Variants in STK26 observed in about 807,000 individuals in gnomAD.
The protein encoded by STK26 is serine/threonine-protein kinase 26.
STK26 carries 14 observed loss-of-function variants against 34.7 expected under a neutral mutation model. That is an observed-to-expected ratio of 0.40 (90% confidence interval 0.27 to 0.63). The LOEUF is 0.63. Among genes scored for constraint, STK26 ranks in the 30% least tolerant of loss-of-function variants. The pLI, the probability that STK26 is intolerant of heterozygous loss-of-function variation, is 0.38. For synonymous variants in STK26, 100 were observed against 109.8 expected, an observed-to-expected ratio of 0.91 and a Z score of 0.56; for missense variants, 226 against 309.1, an observed-to-expected ratio of 0.73 and a Z score of 2.02.
intron 3 of STK26, chrX:132,055,385 T>G: frequency 1.1e-6 from 1 of 932,987 alleles, no homozygotes; most frequent in Non-Finnish European, 1.5e-6. Flanking sequence ...TAAATATTTG[T>G]TAAAATGGAA....
chrX:132,048,318 A>C (rs1218682914), intron 2 of STK26, among the ~76,000 whole-genome samples: 1 of 112,121 alleles, frequency 8.9e-6, no homozygotes, highest in East Asian at 2.8e-4. Context: ...AATTCTTTTA[A>C]GTTTACATTT....
At chrX:132,063,040 A>G (rs962602818) in intron 3 of STK26, among the ~76,000 whole-genome samples, 1 of 111,549 alleles carries the variant, frequency 9.0e-6, no homozygotes, top group Non-Finnish European at 1.9e-5. Context: ...AAGGCATATA[A>G]TGTATAATGA....
At chrX:132,058,200 C>G (rs1055425724) in intron 3 of STK26, among the ~76,000 whole-genome samples, 28 of 110,603 alleles carry the variant, frequency 2.5e-4, no homozygotes, top group African/African-American at 8.6e-4. Flanking sequence ...AGGTTCTCCT[C>G]CTAATTCCCA....
chrX:132,067,906 T>C (rs1369089096), intron 4 of STK26, among the ~76,000 whole-genome samples: 1 of 111,560 alleles, frequency 9.0e-6, no homozygotes, highest in Non-Finnish European at 1.9e-5. Flanking sequence ...TACGTAAGCA[T>C]ATTTGTTTCA....
intron 2 of STK26, among the ~76,000 whole-genome samples, chrX:132,044,357 G>A (rs922989964): frequency 1.8e-5 from 2 of 111,141 alleles, no homozygotes; most frequent in Admixed American, 1.9e-4. Flanking sequence ...TGGTTAATCA[G>A]GTTCCCCTAG....
At chrX:132,071,880 A>G (rs1462044071) in intron 8 of STK26, among the ~76,000 whole-genome samples, 1 of 111,905 alleles carries the variant, frequency 8.9e-6, no homozygotes, top group Non-Finnish European at 1.9e-5. Flanking sequence ...CCAATGTTGG[A>G]AAGGGATAAA....
chrX:132,072,198 A>G, intron 8 of STK26, 70 bp from the exon 9 acceptor site: 1 of 833,286 alleles, frequency 1.2e-6, no homozygotes, highest in Non-Finnish European at 1.8e-6. Flanking sequence ...TTCTACCTGC[A>G]TTGATTTGGT....
intron 6 of STK26, 64 bp from the exon 7 acceptor site, chrX:132,069,410 CATAT>C (rs57609807): frequency 0.061 from 5,616 of 92,025 alleles, 195 homozygotes; most frequent in Admixed American, 0.15. Context: ...CATACATACA[CATAT>C]ATATATATAT....
chrX:132,023,565 C>G lies in STK26; in HGVS notation c.-53C>G, dbSNP rs1417639380. The G allele has an allele frequency of 3.2e-5, 37 of 1,161,803 alleles. No individual in the cohort carries two copies. Among genetic ancestry groups the G allele is most frequent in the Non-Finnish European group, 3.6e-5 (31 of 868,736 alleles). On this transcript the variant is annotated 5_prime_UTR_variant, in exon 2 of 12. Transcript: ENST00000394334. ...ACTACCCCCGGAGGGAGGAGCCAGT[C>G]CGAACCCAAGGCGCCACCGCCGCAG...
In STK26 at chrX:132,069,432, T is replaced by C. The variant is rs750796295; in HGVS notation, c.598-46T>C. The C allele has an allele frequency of 8.2e-5, 13 of 158,509 alleles. 1 individual carries two copies. Among genetic ancestry groups the C allele is most frequent in the African/African-American group, 1.1e-4 (3 of 26,568 alleles). 13.1% of individuals were successfully genotyped at this position (158,509 alleles called of 1,213,427 possible). On this transcript the variant is annotated intron_variant, in intron 6 of 11. Coordinates refer to ENST00000394334, the MANE Select transcript of STK26 (RefSeq NM_016542.4). ...ACACATATATATATATATATATATA[T>C]ATATATATATATATATATATTATTT...
chrX:132,044,416 C>A (rs1389025522), intron 2 of STK26, among the ~76,000 whole-genome samples: 1 of 109,606 alleles, frequency 9.1e-6, no homozygotes, highest in Non-Finnish European at 1.9e-5. Flanking sequence ...CTGCGATTTT[C>A]AGAGATGGAG....
rs1190757651 is a variant in STK26 at position 132,075,824 on chromosome X, A to G, written c.*1665A>G. ...ATTTGAAACTTTACAACACAATTGC[A>G]TCCCAAATACAAATTGTATTGCTTA... On this transcript the variant is annotated 3_prime_UTR_variant, in exon 12 of 12. Transcript: ENST00000394334. The G allele has an allele frequency of 2.7e-5, 3 of 112,221 alleles. No homozygotes were observed. The highest frequency in any genetic ancestry group is 1.9e-4 in the Admixed American group (2 of 10,593). 9.2% of individuals were successfully genotyped at this position (112,221 alleles called of 1,213,427 possible).
chrX:132,056,779 G>A (rs1262644997), intron 3 of STK26, among the ~76,000 whole-genome samples: 3 of 112,610 alleles, frequency 2.7e-5, no homozygotes, highest in Non-Finnish European at 5.6e-5. Context: ...TCTGAGGGTG[G>A]CGTAGGGCCT....
At chrX:132,044,740 GATCTATATATATATTT>G (rs1926411450) in intron 2 of STK26, among the ~76,000 whole-genome samples, 3 of 66,181 alleles carry the variant, frequency 4.5e-5, no homozygotes, top group African/African-American at 2.0e-4. Context: ...TATATAGAGA[GATCTATATATATATTT>G]ATATATATAT....
chrX:132,040,938 A>G (rs1039875249), intron 2 of STK26, among the ~76,000 whole-genome samples: 2 of 112,095 alleles, frequency 1.8e-5, no homozygotes, highest in Non-Finnish European at 3.8e-5. Flanking sequence ...CAATTGTCAA[A>G]GGAATGAAAA....
chrX:132,039,205 T>C (rs1444836226), intron 2 of STK26, among the ~76,000 whole-genome samples: 2 of 111,279 alleles, frequency 1.8e-5, no homozygotes, highest in African/African-American at 6.5e-5. Flanking sequence ...GAAATTACAA[T>C]ATAGGTGTGA....
At chrX:132,069,319 G>C (rs1927321531) in intron 6 of STK26, among the ~76,000 whole-genome samples, 159 bp from the exon 7 acceptor site, 1 of 101,583 alleles carries the variant, frequency 9.8e-6, no homozygotes, top group South Asian at 4.7e-4. Flanking sequence ...ACATTTTCTT[G>C]AGAGACAAGT....
chrX:132,052,235 G>T (rs1367126056), intron 2 of STK26, among the ~76,000 whole-genome samples: 1 of 111,322 alleles, frequency 9.0e-6, no homozygotes, highest in Non-Finnish European at 1.9e-5. Context: ...AGGATACTTT[G>T]GTTTAAAATG....
chrX:132,052,652 T>C (rs1314316921), intron 2 of STK26, among the ~76,000 whole-genome samples: 1 of 111,929 alleles, frequency 8.9e-6, no homozygotes, highest in South Asian at 3.7e-4. Flanking sequence ...CTCCCTGAGG[T>C]TGACTGTTTG....
Sources: allele counts gnomAD v4.1 joint callset (sites outside exome capture counted in the v4.1 genomes callset), GRCh38; gene constraint gnomAD v4.1.1; transcripts MANE v1.5; gene names NCBI Gene and HGNC (gene_info 2026-07-23, HGNC 2026-07-21).